The following TDRD7 variants were observed in gnomAD, a reference collection of about 807,000 sequenced individuals.
TDRD7 encodes tudor domain containing 7.
TDRD7 carries 47 observed loss-of-function variants against 109.8 expected under a neutral mutation model. That is an observed-to-expected ratio of 0.43 (90% CI 0.34 to 0.55). The LOEUF is 0.55. Ranked by LOEUF, TDRD7 falls within the 20% of genes least tolerant of loss-of-function variation. The pLI is 0.03. For missense variants in TDRD7, 1,164 were observed against 1,319.2 expected, an observed-to-expected ratio of 0.88 and a Z score of 1.82; for synonymous variants, 424 against 457.3, an observed-to-expected ratio of 0.93 and a Z score of 0.93.
At chr9:97,438,685 A>G (rs1429400974) in intron 4 of TDRD7, among the ~76,000 whole-genome samples, 1 of 152,192 alleles carries the variant, frequency 6.6e-6, no homozygotes, top group African/African-American at 2.4e-5. Context: ...GGTATGAGGT[A>G]GGGATCTATT....
intron 6 of TDRD7, among the ~76,000 whole-genome samples, chr9:97,455,426 G>C (rs1198745946): frequency 6.6e-6 from 1 of 152,068 alleles, no homozygotes; most frequent in Non-Finnish European, 1.5e-5. Flanking sequence ...AAATCCTCAA[G>C]AAAATACTGG....
chr9:97,463,408 T>G, intron 7 of TDRD7, among the ~76,000 whole-genome samples: 1 of 148,884 alleles, frequency 6.7e-6, no homozygotes, highest in East Asian at 2.1e-4. Flanking sequence ...CTCCTTGTAA[T>G]GAATAGCTTG....
Position 97,473,587 on chromosome 9 carries a change from T to C in TDRD7, c.2040T>C (p.Ser680=), listed in dbSNP as rs1828959195. Residue 680 remains serine (S), a synonymous_variant, in exon 11 of 17, where the codon AGT becomes AGC. Transcript: ENST00000355295. ...QVPCKGLNKL[S]DLLRKIEDYF... ...CTTGTAAGGGTCTGAACAAGCTCAG[T>C]GACCTTCTACGTAAGATAGAGGACT... 6.2e-7 allele frequency: 1 copy of C among 1,613,858 alleles called. No homozygotes were observed. The highest frequency in any genetic ancestry group is 8.5e-7 in the Non-Finnish European group (1 of 1,179,806).
chr9:97,454,538 A>G (rs1208960098), intron 6 of TDRD7, among the ~76,000 whole-genome samples: 1 of 152,228 alleles, frequency 6.6e-6, no homozygotes, highest in Non-Finnish European at 1.5e-5. Context: ...AAACTCACTT[A>G]AAACCACACA....
intron 16 of TDRD7, among the ~76,000 whole-genome samples, chr9:97,494,758 T>G (rs1296725437): frequency 4.0e-5 from 6 of 150,488 alleles, no homozygotes; most frequent in African/African-American, 1.5e-4. Context: ...CCAGGCTGGA[T>G]GGAGTACAGT....
chr9:97,487,364 A>G (rs2131182422), intron 16 of TDRD7, 32 bp downstream of exon 16: 1 of 1,613,698 alleles, frequency 6.2e-7, no homozygotes, highest in South Asian at 1.1e-5. Context: ...CTCATGCTAC[A>G]ACAATGCAAT....
chr9:97,473,738 A>C, intron 11 of TDRD7, 112 bp downstream of exon 11: 1 of 1,391,854 alleles, frequency 7.2e-7, no homozygotes, highest in African/African-American at 1.4e-5. Context: ...ATTTTTTAGT[A>C]GTCTGAAATG....
intron 1 of TDRD7, among the ~76,000 whole-genome samples, chr9:97,415,488 A>G (rs1187448754): frequency 6.6e-6 from 1 of 152,226 alleles, no homozygotes; most frequent in East Asian, 1.9e-4. Flanking sequence ...TACAAAATGC[A>G]GTTTTGAAGT....
intron 11 of TDRD7, among the ~76,000 whole-genome samples, 169 bp downstream of exon 11, chr9:97,473,795 A>G (rs1828963321): frequency 6.6e-6 from 1 of 152,220 alleles, no homozygotes; most frequent in East Asian, 1.9e-4. Flanking sequence ...CAGAGCTTTA[A>G]AAGAAAAACA....
At chr9:97,476,627 C>CT (rs984887496) in intron 12 of TDRD7, among the ~76,000 whole-genome samples, 80 of 143,014 alleles carry the variant, frequency 5.6e-4, no homozygotes, top group Non-Finnish European at 1.1e-3. Context: ...TTTTTTTTTT[C>CT]TTTTTTTTCT....
At chr9:97,493,093 T>C (rs550132637) in intron 16 of TDRD7, among the ~76,000 whole-genome samples, 1 of 152,234 alleles carries the variant, frequency 6.6e-6, no homozygotes, top group South Asian at 2.1e-4. Flanking sequence ...GTGTTTAAAC[T>C]GGAATGCTTT....
At chr9:97,423,641 A>T (rs1329242846) in intron 1 of TDRD7, among the ~76,000 whole-genome samples, 1 of 152,124 alleles carries the variant, frequency 6.6e-6, no homozygotes, top group African/African-American at 2.4e-5. Context: ...TCTTCTTTCT[A>T]ACAGAAACAT....
In TDRD7 at chr9:97,473,557, G is replaced by C; in HGVS notation, c.2010G>C (p.Gln670His). Residue 670 changes from glutamine (Q) to histidine (H), a missense_variant, in exon 11 of 17, where the codon CAG becomes CAC. By Grantham distance (24) the Gln-to-His change is conservative. This residue lies in a region of TDRD7 where 261 missense variants were observed against 336.2 expected (regional missense o/e 0.78). Transcript: ENST00000355295. ...NICSDGTLYC[Q>H]VPCKGLNKLS... ...GCTCTGATGGGACACTCTACTGCCA[G>C]GTGCCTTGTAAGGGTCTGAACAAGC... is the stretch of plus-strand genomic sequence containing the variant. The C allele has an allele frequency of 6.2e-7, 1 of 1,613,828 alleles. No individual in the cohort carries two copies. Among genetic ancestry groups the C allele is most frequent in the Non-Finnish European group, 8.5e-7 (1 of 1,179,812 alleles).
At chr9:97,425,713 G>T (rs1282305679) in intron 1 of TDRD7, among the ~76,000 whole-genome samples, 2 of 152,130 alleles carry the variant, frequency 1.3e-5, no homozygotes, top group African/African-American at 4.8e-5. Context: ...TGTTGGTCCT[G>T]GTGATAATAA....
rs1827729314 is a variant in TDRD7, at chr9:97,412,333, G to C, written c.-7+95G>C. The stretch of plus-strand genomic sequence containing the variant: ...CGCGGCGCACCTGGGTCACCGGTGG[G>C]ACCGCGGCCAGGGCCGGGGGCTCCA... On this transcript the variant is annotated intron_variant, in intron 1 of 16. Transcript: ENST00000355295. The surrounding 1 kb of genome is among the most constrained non-coding windows in gnomAD (Gnocchi z 4.3). 2 of 152,460 alleles carry C rather than the reference G, an allele frequency of 1.3e-5. No homozygotes were observed. The highest frequency in any genetic ancestry group is 4.8e-5 in the African/African-American group (2 of 41,436). 9.4% of individuals were successfully genotyped at this position (152,460 alleles called of 1,614,324 possible). A position where few individuals can be genotyped will look rare whatever the true frequency, so the allele number is the denominator to read the frequency against.
intron 1 of TDRD7, among the ~76,000 whole-genome samples, chr9:97,422,480 T>C (rs954627854): frequency 1.3e-5 from 2 of 152,270 alleles, no homozygotes; most frequent in Non-Finnish European, 2.9e-5. Flanking sequence ...GTTCTTTTGA[T>C]AATATTATAC....
chr9:97,493,768 G>A (rs535411156), intron 16 of TDRD7, among the ~76,000 whole-genome samples: 11 of 152,244 alleles, frequency 7.2e-5, no homozygotes, highest in Non-Finnish European at 1.5e-4. Context: ...CCTCAGGGAC[G>A]CATTCTCTTT....
chr9:97,469,066 T>C (rs1587884391), intron 8 of TDRD7, among the ~76,000 whole-genome samples: 1 of 152,250 alleles, frequency 6.6e-6, no homozygotes, highest in African/African-American at 2.4e-5. Flanking sequence ...TAATCTGTTC[T>C]TGTGCTAAGA....
At chr9:97,415,685 C>T (rs975917755) in intron 1 of TDRD7, among the ~76,000 whole-genome samples, 1 of 152,164 alleles carries the variant, frequency 6.6e-6, no homozygotes, top group African/African-American at 2.4e-5. Flanking sequence ...CTCAGCTACT[C>T]AGGAGGCTGA....
Sources: allele counts gnomAD v4.1 joint callset (sites outside exome capture counted in the v4.1 genomes callset), GRCh38; gene constraint gnomAD v4.1.1; regional missense constraint gnomAD v4.1.1; non-coding constraint Gnocchi (gnomAD v3.1); transcripts MANE v1.5; gene names NCBI Gene and HGNC (gene_info 2026-07-23, HGNC 2026-07-21).